SLC49A3: variants seen among roughly 807,000 people sequenced by gnomAD.
SLC49A3 encodes solute carrier family 49 member 3.
SLC49A3 carries 50 observed loss-of-function variants against 43.8 expected under a neutral mutation model. The observed-to-expected ratio is 1.14, with a 90% CI of 0.91 to 1.45. The LOEUF (loss-of-function observed/expected upper bound fraction) is 1.45. Ranked by LOEUF, SLC49A3 falls within the 40% of genes most tolerant of loss-of-function variation. The pLI, the probability that SLC49A3 is intolerant of heterozygous loss-of-function variation, is 0.00. For missense variants in SLC49A3, 906 were observed against 774.1 expected (o/e 1.17, Z -2.02); for synonymous variants, 413 against 352.0 (o/e 1.17, Z -1.94).
At chr4:683,182 G>T (rs573392382) in intron 8 of SLC49A3, 28 bp downstream of exon 8, 47 of 1,612,386 alleles carry the variant, frequency 2.9e-5, no homozygotes, top group Non-Finnish European at 3.7e-5. Flanking sequence ...TATCTCTGGG[G>T]TTGCAGCAGG....
chr4:678,816 G>T, downstream of SLC49A3: 1 of 1,608,424 alleles, frequency 6.2e-7, no homozygotes, highest in Middle Eastern at 1.7e-4. Flanking sequence ...AGCCTGTGCT[G>T]GGAAGACCCC....
chr4:679,911 C>G (rs759498576), downstream of SLC49A3: 1 of 1,613,474 alleles, frequency 6.2e-7, no homozygotes, highest in Middle Eastern at 1.7e-4. Context: ...ATGTCTGTAA[C>G]AGGCAAGACC....
chr4:684,471 G>A lies in SLC49A3; in HGVS notation c.840+12C>T. 6.2e-7 allele frequency: 1 copy of A among 1,612,412 alleles called. No homozygotes were observed. ...ACAGAGGCAGGGTCCCCAGGGGTGG[G>A]GCCAGGCTCACACTGGAGTGGCCGC... is the stretch of plus-strand genomic sequence containing the variant. On this transcript the variant is annotated intron_variant, in intron 6 of 9. Transcript: ENST00000322224.
chr4:681,071 G>C (rs780896531), downstream of SLC49A3: 1 of 1,588,240 alleles, frequency 6.3e-7, no homozygotes, highest in East Asian at 2.3e-5. Flanking sequence ...AGCCCGCGCT[G>C]ACCCCTTTCC....
downstream of SLC49A3, chr4:678,121 C>G: frequency 6.4e-7 from 1 of 1,574,076 alleles, no homozygotes; most frequent in African/African-American, 1.4e-5. Context: ...GTGGGCGTGT[C>G]CGTGCTTGCG....
At chr4:684,368 G>A in intron 6 of SLC49A3, 115 bp downstream of exon 6, 3 of 1,419,540 alleles carry the variant, frequency 2.1e-6, no homozygotes, top group East Asian at 2.3e-5. Context: ...ACAGAAGGGT[G>A]TCAATGTGGC....
At position 682,883 on chromosome 4, in the gene SLC49A3, C is replaced by G; in HGVS notation, c.1159G>C (p.Glu387Gln). 6.3e-7 allele frequency: 1 copy of G among 1,592,692 alleles called. No homozygotes were observed. Among genetic ancestry groups the G allele is most frequent in the Non-Finnish European group, 8.6e-7 (1 of 1,166,770 alleles). ...TGMIFVLGQA[E>Q]GILIMLAMTA... ...ATTGCCAGCATGATGAGTATTCCCT[C>G]GGCCTGCCTGGACACACGTGGCCCT... The change falls in exon 9 of 10, where the codon GAG (glutamate) becomes CAG (glutamine). Residue 387 changes from glutamate to glutamine, a missense_variant. Coordinates refer to ENST00000322224, the MANE Select transcript of SLC49A3 (RefSeq NM_032219.4).
At chr4:679,671 C>G (rs1424965791), downstream of SLC49A3, among the ~76,000 whole-genome samples, 1 of 152,210 alleles carries the variant, frequency 6.6e-6, no homozygotes, top group Non-Finnish European at 1.5e-5. Flanking sequence ...GATCCCAGCA[C>G]CTTCCCAGGC....
rs1036086904 is a variant in SLC49A3, at chr4:682,750, G to A, written c.1261+31C>T. 6 of 1,499,862 alleles carry A rather than the reference G, an allele frequency of 4.0e-6. No individual in the cohort carries two copies. In the African/African-American group the frequency reaches 8.2e-5, roughly 21 times the overall value. 92.9% of individuals were successfully genotyped at this position (1,499,862 alleles called of 1,614,324 possible). The stretch of plus-strand genomic sequence containing the variant: ...TCTTCACATGGGGCTCACCTGTCCT[G>A]TTCCCTGGGGACTCCCCATGTGAGG... On this transcript the variant is annotated intron_variant, in intron 9 of 9. Transcript: ENST00000322224.
Position 685,955 on chromosome 4 carries a change from G to A in SLC49A3, c.509-44C>T, listed in dbSNP as rs903240420. 6.2e-7 allele frequency: 1 copy of A among 1,612,538 alleles called. No homozygotes were observed. The highest frequency in any genetic ancestry group is 1.7e-5 in the Admixed American group (1 of 59,958). ...AAAGTGTCAGCTCGGCTGTGGCCTG[G>A]CTTCATCGCCAGCCCACAGGCAGAA... On this transcript the variant is annotated intron_variant, in intron 3 of 9. Transcript: ENST00000322224. The surrounding 1 kb of genome is among the most constrained non-coding windows in gnomAD (Gnocchi z 4.3).
At chr4:688,971 C>T (rs766599214) in intron 1 of SLC49A3, 22 bp downstream of exon 1, 52 of 1,583,216 alleles carry the variant, frequency 3.3e-5, no homozygotes, top group Non-Finnish European at 4.5e-5. Flanking sequence ...CCGGAGCCAC[C>T]TGTCCCCGCC....
chr4:688,893 C>G (rs1259483187), intron 1 of SLC49A3, 100 bp downstream of exon 1: 1 of 1,450,108 alleles, frequency 6.9e-7, no homozygotes, highest in Non-Finnish European at 9.0e-7. Flanking sequence ...CGCCCCCAGC[C>G]AGCACCTGGC....
chr4:683,129 C>G (rs1740163032), intron 8 of SLC49A3, 81 bp downstream of exon 8: 2 of 1,573,886 alleles, frequency 1.3e-6, no homozygotes, highest in South Asian at 2.3e-5. Context: ...GGGCCTGGAC[C>G]ACATGGTGCA....
At position 685,110 on chromosome 4, in the gene SLC49A3, C is replaced by T. The variant is rs1254204729; in HGVS notation, c.586-254G>A. ...CTGGCTGATGTTAGCCCAGCACCCCCAGGCTCCAGACTTACATCTCACTGC... is the reference window on the plus strand; with the variant it reads ...CTGGCTGATGTTAGCCCAGCACCCCTAGGCTCCAGACTTACATCTCACTGC... On this transcript the variant is annotated intron_variant, in intron 4 of 9. Transcript: ENST00000322224. This position sits in a 1 kb window ranked among gnomAD's most constrained non-coding sequence, Gnocchi z 4.3. The T allele has an allele frequency of 5.5e-6, 3 of 545,536 alleles. No individual in the cohort carries two copies. The highest frequency in any genetic ancestry group is 9.6e-6 in the Non-Finnish European group (3 of 311,816). The allele number at this position is 545,536 out of a possible 1,614,324, so 33.8% of individuals were successfully genotyped here. A position where few individuals can be genotyped will look rare whatever the true frequency, so the allele number is the denominator to read the frequency against.
downstream of SLC49A3, chr4:678,622 A>G (rs1739100721): frequency 6.3e-7 from 1 of 1,578,382 alleles, no homozygotes; most frequent in African/African-American, 1.3e-5. Flanking sequence ...TTCGTCAGCC[A>G]GCCCAGGACC....
At chr4:686,366 C>T (rs557066929) in intron 2 of SLC49A3, 64 bp from the exon 3 acceptor site, 15 of 1,581,434 alleles carry the variant, frequency 9.5e-6, no homozygotes, top group Admixed American at 5.2e-5. Context: ...CCTGCCCCGT[C>T]CCCCGAGCAC....
downstream of SLC49A3, chr4:678,798 C>A (rs761355066): frequency 1.2e-6 from 2 of 1,607,726 alleles, no homozygotes; most frequent in Non-Finnish European, 8.5e-7. Flanking sequence ...GGAGCCCCCA[C>A]CCCCAGGAGC....
Position 685,108 on chromosome 4 carries a change from C to A in SLC49A3, c.586-252G>T. 1.8e-6 allele frequency: 1 copy of A among 546,894 alleles called. No individual in the cohort carries two copies. Among genetic ancestry groups the A allele is most frequent in the Admixed American group, 3.6e-5 (1 of 27,410 alleles). 33.9% of individuals were successfully genotyped at this position (546,894 alleles called of 1,614,324 possible). The stretch of plus-strand genomic sequence containing the variant: ...TCCTGGCTGATGTTAGCCCAGCACC[C>A]CCAGGCTCCAGACTTACATCTCACT... On this transcript the variant is annotated intron_variant, in intron 4 of 9. Coordinates refer to ENST00000322224, the MANE Select transcript of SLC49A3 (RefSeq NM_032219.4). The surrounding 1 kb of genome is among the most constrained non-coding windows in gnomAD (Gnocchi z 4.3).
At chr4:678,063 G>C (rs373948314), downstream of SLC49A3, 1 of 1,611,768 alleles carries the variant, frequency 6.2e-7, no homozygotes, top group Non-Finnish European at 8.5e-7. Context: ...TGGGGCAGGC[G>C]TGTGGGTGTG....
Sources: gnomAD v4.1 joint callset for allele counts (sites outside exome capture counted in the v4.1 genomes callset) on GRCh38, gnomAD v4.1.1 for gene constraint, Gnocchi (gnomAD v3.1) non-coding constraint, MANE v1.5 for transcripts, NCBI Gene and HGNC (gene_info 2026-07-23, HGNC 2026-07-21) for gene names.